Variants in LTBP1 observed in about 807,000 individuals in gnomAD.
LTBP1 encodes the protein latent-transforming growth factor beta-binding protein 1.
LTBP1 carries 129 observed loss-of-function variants against 207.6 expected under a neutral mutation model. The observed-to-expected ratio is 0.62, with a 90% CI of 0.54 to 0.72. The LOEUF is 0.72. LTBP1 is among the 30% of genes least tolerant of loss of function. LTBP1 has a pLI of 0.00. For missense variants in LTBP1, 2,281 were observed against 2,217.2 expected (o/e 1.03, Z -0.58); for synonymous variants, 963 against 833.7 (o/e 1.16, Z -2.67).
At chr2:33,174,278 T>C (rs1385080032) in intron 5 of LTBP1, among the ~76,000 whole-genome samples, 1 of 150,438 alleles carries the variant, frequency 6.6e-6, no homozygotes. Context: ...GCCCAAAATC[T>C]CCTTAAGCTG....
At chr2:33,003,571 C>T (rs943624396) in intron 2 of LTBP1, among the ~76,000 whole-genome samples, 23 of 152,146 alleles carry the variant, frequency 1.5e-4, no homozygotes, top group Non-Finnish European at 3.2e-4. Flanking sequence ...GCGCTGTCCA[C>T]ATGAGGAGTA....
chr2:33,377,383 G>C (rs949959834), intron 31 of LTBP1, among the ~76,000 whole-genome samples: 1 of 152,328 alleles, frequency 6.6e-6, no homozygotes, highest in Non-Finnish European at 1.5e-5. Context: ...CAAGGCGAGA[G>C]AAGTTTGATT....
intron 19 of LTBP1, among the ~76,000 whole-genome samples, chr2:33,291,209 G>A (rs892972869): frequency 9.2e-5 from 14 of 152,162 alleles, no homozygotes; most frequent in Non-Finnish European, 1.8e-4. Flanking sequence ...ATCATGAGTA[G>A]CCTAGAAAAA....
intron 4 of LTBP1, among the ~76,000 whole-genome samples, chr2:33,113,265 C>G (rs1316883624): frequency 6.6e-6 from 1 of 152,056 alleles, no homozygotes; most frequent in Non-Finnish European, 1.5e-5. Flanking sequence ...TAATGCATAC[C>G]TTGAGCTCTA....
intron 7 of LTBP1, among the ~76,000 whole-genome samples, chr2:33,195,188 A>G (rs549678909): frequency 5.9e-5 from 9 of 152,346 alleles, no homozygotes; most frequent in Admixed American, 5.2e-4. Flanking sequence ...TCTGTAGCCC[A>G]TGGATCAAGG....
intron 7 of LTBP1, among the ~76,000 whole-genome samples, chr2:33,192,210 A>G (rs1270979035): frequency 2.0e-5 from 3 of 152,212 alleles, no homozygotes; most frequent in Non-Finnish European, 4.4e-5. Context: ...AATCTGAGGC[A>G]TAGTGCAGTA....
At chr2:33,254,294 T>C (rs2092766542) in intron 11 of LTBP1, among the ~76,000 whole-genome samples, 1 of 152,148 alleles carries the variant, frequency 6.6e-6, no homozygotes, top group African/African-American at 2.4e-5. Context: ...GTCTGTATAA[T>C]GTGTTTTTAA....
At chr2:33,279,939 G>T in intron 18 of LTBP1, 100 bp from the exon 19 acceptor site, 1 of 1,261,626 alleles carries the variant, frequency 7.9e-7, no homozygotes, top group Non-Finnish European at 1.1e-6. Context: ...CCACTGAAAT[G>T]TAGATATAAC....
At chr2:33,339,695 G>A (rs2094593934) in intron 24 of LTBP1, among the ~76,000 whole-genome samples, 1 of 151,890 alleles carries the variant, frequency 6.6e-6, no homozygotes, top group Admixed American at 6.6e-5. Flanking sequence ...GCCCAGTCTG[G>A]AGTGCAATGG....
At chr2:32,949,669 A>G (rs1248635524) in intron 2 of LTBP1, among the ~76,000 whole-genome samples, 1 of 152,240 alleles carries the variant, frequency 6.6e-6, no homozygotes, top group East Asian at 1.9e-4. Context: ...CTCATTGGAC[A>G]TAAAGGAGCC....
Position 33,110,866 on chromosome 2 carries a change from A to C in LTBP1, c.1033+115A>C, listed in dbSNP as rs1052022225. On this transcript the variant is annotated intron_variant, in intron 4 of 33. Transcript: ENST00000404816. ...AGTAAATAAAATTCAAGAGTCATTA[A>C]AAAATCCACATTGGTTCCTGAAGCA... 8 of 980,710 alleles carry C rather than the reference A, an allele frequency of 8.2e-6. No individual in the cohort carries two copies. The Admixed American group carries it at 8.4e-5, about 10-fold the overall frequency. 60.8% of individuals were successfully genotyped at this position (980,710 alleles called of 1,614,324 possible). A position where few individuals can be genotyped will look rare whatever the true frequency, so the allele number is the denominator to read the frequency against.
chr2:33,127,524 C>T (rs1256264685), intron 4 of LTBP1, among the ~76,000 whole-genome samples: 1 of 152,174 alleles, frequency 6.6e-6, no homozygotes, highest in Non-Finnish European at 1.5e-5. Context: ...ATTTCCAACC[C>T]CCGTATTCCA....
At chr2:33,258,058 A>G (rs2147881762) in intron 12 of LTBP1, among the ~76,000 whole-genome samples, 2 of 152,340 alleles carry the variant, frequency 1.3e-5, no homozygotes, top group South Asian at 4.1e-4. Context: ...GCCAGATGTC[A>G]TATAGAGAAC....
In LTBP1 at chr2:32,960,094, A is replaced by G. The variant is rs1056422446; in HGVS notation, c.565+11149A>G. 2.6e-4 allele frequency among the ~76,000 whole-genome samples: 40 copies of G among 152,176 alleles called. 1 individual carries two copies. The highest frequency in any genetic ancestry group is 3.4e-4 in the Non-Finnish European group (23 of 68,036). ...TCACCTTCATAAATCATTTACTACA[A>G]TGATTCAAGGGTGAGGATACTCCTG... On this transcript the variant is annotated intron_variant, in intron 2 of 33. Transcript: ENST00000404816.
At chr2:33,115,059 C>T (rs953728407) in intron 4 of LTBP1, among the ~76,000 whole-genome samples, 3 of 150,688 alleles carry the variant, frequency 2.0e-5, no homozygotes, top group Non-Finnish European at 4.4e-5. Flanking sequence ...CACACACACA[C>T]ACACACACAC....
chr2:33,300,142 C>T (rs1326924007), intron 20 of LTBP1, among the ~76,000 whole-genome samples: 2 of 152,174 alleles, frequency 1.3e-5, no homozygotes, highest in Admixed American at 6.5e-5. Flanking sequence ...TATATTGCAT[C>T]AGGTTCTGCC....
chr2:33,026,279 C>G (rs989670164), intron 3 of LTBP1, among the ~76,000 whole-genome samples: 1 of 152,156 alleles, frequency 6.6e-6, no homozygotes, highest in Non-Finnish European at 1.5e-5. Flanking sequence ...CACCAACTCT[C>G]TCCCAGGTTT....
intron 3 of LTBP1, among the ~76,000 whole-genome samples, chr2:33,035,400 A>G (rs1451712078): frequency 6.6e-6 from 1 of 152,268 alleles, no homozygotes; most frequent in African/African-American, 2.4e-5. Flanking sequence ...TTTTGAGACC[A>G]GAATAGAAGA....
chr2:33,176,876 C>T (rs748022384), intron 5 of LTBP1, among the ~76,000 whole-genome samples: 62 of 152,272 alleles, frequency 4.1e-4, no homozygotes, highest in Non-Finnish European at 8.1e-4. Context: ...CTTCTCATTG[C>T]GCCCTGCCAT....
Sources: gnomAD v4.1 joint callset for allele counts (sites outside exome capture counted in the v4.1 genomes callset) on GRCh38, gnomAD v4.1.1 for gene constraint, MANE v1.5 for transcripts, NCBI Gene and HGNC (gene_info 2026-07-23, HGNC 2026-07-21) for gene names.